The following IRF8 variants were observed in gnomAD, a reference collection of about 807,000 sequenced individuals.
The protein encoded by IRF8 is interferon regulatory factor 8.
A neutral mutation model predicts 48.7 loss-of-function variants in IRF8; 14 were observed. That is an observed-to-expected ratio of 0.29 (90% CI 0.19 to 0.45). The LOEUF is 0.45. Among genes scored for constraint, IRF8 ranks in the 20% least tolerant of loss-of-function variants. The pLI is 1.00. For missense variants in IRF8, 493 were observed against 580.7 expected (o/e 0.85, Z 1.55); for synonymous variants, 278 against 227.3 (o/e 1.22, Z -2.01).
intron 3 of IRF8, chr16:85,909,517 G>T (rs1163264128): frequency 5.8e-6 from 2 of 346,128 alleles, no homozygotes; most frequent in African/African-American, 4.2e-5. Flanking sequence ...AAAATATGGT[G>T]ACCACAGAAG....
At chr16:85,913,265 C>T (rs773354019) in intron 5 of IRF8, 29 bp downstream of exon 5, 2 of 1,494,264 alleles carry the variant, frequency 1.3e-6, no homozygotes, top group Middle Eastern at 1.7e-4. Context: ...GAATTGTCAC[C>T]AGGCATGGCC....
At chr16:85,920,026 C>T in intron 7 of IRF8, 83 bp from the exon 8 acceptor site, 1 of 1,024,122 alleles carries the variant, frequency 9.8e-7, no homozygotes, top group Non-Finnish European at 1.5e-6. Flanking sequence ...CCCTGGGCCT[C>T]CTGATCCCCC....
rs1357916141 is a variant in IRF8, at chr16:85,921,111, G to A, written c.1110G>A (p.Glu370=). 1 of 1,612,882 alleles carries A rather than the reference G, an allele frequency of 6.2e-7. No individual in the cohort carries two copies. The highest frequency in any genetic ancestry group is 1.1e-5 in the South Asian group (1 of 90,960). ...LRSKLILVQI[E]QLYVRQLAEE... Reference sequence around the variant, plus strand: ...TTTCTGCACCTCCCATCTAGATTGAGCAGCTGTATGTCCGGCAACTGGCAG... The same window carrying A: ...TTTCTGCACCTCCCATCTAGATTGAACAGCTGTATGTCCGGCAACTGGCAG... The change falls in exon 9 of 9, where the codon GAG becomes GAA. Residue 370 remains glutamate (E), a synonymous_variant. Transcript: ENST00000268638.
Position 85,921,364 on chromosome 16 carries a change from G to T in IRF8, c.*82G>T. Reference sequence around the variant, plus strand: ...GTGGCCCGCATCATGATTAAAGAATGTGGATCCCTCTGTCTGGGGTGGGAT... The same window carrying T: ...GTGGCCCGCATCATGATTAAAGAATTTGGATCCCTCTGTCTGGGGTGGGAT... On this transcript the variant is annotated 3_prime_UTR_variant, in exon 9 of 9. Transcript: ENST00000268638. The T allele has an allele frequency of 6.9e-7, 1 of 1,442,812 alleles. No individual in the cohort carries two copies. The highest frequency in any genetic ancestry group is 9.7e-7 in the Non-Finnish European group (1 of 1,034,470). The allele number at this position is 1,442,812 out of a possible 1,614,324, so 89.4% of individuals were successfully genotyped here.
At chr16:85,918,324 A>G (rs1487642774) in intron 6 of IRF8, 93 bp from the exon 7 acceptor site, 4 of 1,409,152 alleles carry the variant, frequency 2.8e-6, no homozygotes, top group Non-Finnish European at 3.8e-6. Flanking sequence ...ACAAAGAGTT[A>G]CCCGTGTAGG....
chr16:85,919,598 A>T (rs903088272), intron 7 of IRF8, among the ~76,000 whole-genome samples: 3 of 152,220 alleles, frequency 2.0e-5, no homozygotes, highest in Admixed American at 6.5e-5. Context: ...TGCGTCCTGC[A>T]ATGTACATTC....
intron 4 of IRF8, among the ~76,000 whole-genome samples, chr16:85,912,903 G>A (rs1567474102): frequency 6.6e-6 from 1 of 152,254 alleles, no homozygotes; most frequent in Non-Finnish European, 1.5e-5. Context: ...CTTATTAGTG[G>A]CCCCCAAAGA....
chr16:85,921,070 C>T (rs751725560), intron 8 of IRF8, 36 bp from the exon 9 acceptor site: 27 of 1,584,322 alleles, frequency 1.7e-5, no homozygotes, highest in Admixed American at 9.0e-5. Context: ...TTGGAGCCTC[C>T]GCCTCTGCCT....
In IRF8 at chr16:85,910,261, G is replaced by A. The variant is rs562538961; in HGVS notation, c.358+1088G>A. On this transcript the variant is annotated intron_variant, in intron 3 of 8. Transcript: ENST00000268638. ...CTGAGCCAAAGCCGATGCCCGACCC[G>A]GACAGTACAATTGCGGTTTGGGGCG... Among the ~76,000 whole-genome samples the A allele has an allele frequency of 3.2e-4, 49 of 152,252 alleles. No individual in the cohort carries two copies. In the South Asian group the frequency reaches 9.1e-3, roughly 28 times the overall value.
intron 2 of IRF8, among the ~76,000 whole-genome samples, chr16:85,906,825 A>G (rs925492931): frequency 3.3e-5 from 5 of 151,826 alleles, no homozygotes; most frequent in African/African-American, 9.7e-5. Flanking sequence ...GAGGGGTGCT[A>G]TTGGCATCTG....
At chr16:85,911,152 CA>C (rs1027642025) in intron 3 of IRF8, among the ~76,000 whole-genome samples, 5 of 152,176 alleles carry the variant, frequency 3.3e-5, no homozygotes, top group Admixed American at 1.3e-4. Context: ...ACTGGCAATA[CA>C]AAAAAGACCC....
At chr16:85,905,397 T>C (rs1904967522) in intron 2 of IRF8, among the ~76,000 whole-genome samples, 1 of 152,242 alleles carries the variant, frequency 6.6e-6, no homozygotes. Context: ...TTATACATCT[T>C]ATGCAATGTT....
Position 85,922,343 on chromosome 16 carries a change from G to C in IRF8, c.*1061G>C, listed in dbSNP as rs753224817. The C allele has an allele frequency of 1.3e-5, 2 of 152,294 alleles. No individual in the cohort carries two copies. The highest frequency in any genetic ancestry group is 1.3e-4 in the Admixed American group (2 of 15,276). The allele number at this position is 152,294 out of a possible 1,614,324, so 9.4% of individuals were successfully genotyped here. On this transcript the variant is annotated 3_prime_UTR_variant, in exon 9 of 9. Transcript: ENST00000268638. The stretch of plus-strand genomic sequence containing the variant: ...ACAGTCAGACCCAGAGGTCCTTTAC[G>C]TGTGGATGGAGTTCACAGGCGAATA...
intron 4 of IRF8, 103 bp downstream of exon 4, chr16:85,911,761 C>G (rs1349732924): frequency 4.4e-6 from 4 of 917,670 alleles, no homozygotes; most frequent in Non-Finnish European, 6.9e-6. Flanking sequence ...CAGCCAGACC[C>G]TCGGGCTCGC....
At chr16:85,902,219 G>A (rs930384806) in intron 1 of IRF8, among the ~76,000 whole-genome samples, 2 of 152,110 alleles carry the variant, frequency 1.3e-5, no homozygotes, top group African/African-American at 2.4e-5. Flanking sequence ...TCTTTCAGTT[G>A]GTCGTAGGAG....
rs11862450 is a variant in IRF8, at chr16:85,903,427, G to T, written c.174+238G>T. On this transcript the variant is annotated intron_variant, in intron 2 of 8. Transcript: ENST00000268638. Reference sequence around the variant, plus strand: ...TTGTATTCTGATGAGGAGATCGAAGGCTCTTTTCTTCTCTTTTCTGCTGCT... The same window carrying T: ...TTGTATTCTGATGAGGAGATCGAAGTCTCTTTTCTTCTCTTTTCTGCTGCT... 3.0e-5 allele frequency: 16 copies of T among 532,190 alleles called. No homozygotes were observed. In the Middle Eastern group the frequency reaches 1.5e-3, roughly 50 times the overall value. The allele number at this position is 532,190 out of a possible 1,614,324, so 33.0% of individuals were successfully genotyped here.
chr16:85,904,456 T>G lies in IRF8; in HGVS notation c.174+1267T>G, dbSNP rs180838870. Among the ~76,000 whole-genome samples, 1,036 of 152,180 alleles carry G rather than the reference T, an allele frequency of 6.8e-3. 11 individuals are homozygous for G. The highest frequency in any genetic ancestry group is 0.024 in the African/African-American group (995 of 41,524). On this transcript the variant is annotated intron_variant, in intron 2 of 8. Coordinates refer to ENST00000268638, the MANE Select transcript of IRF8 (RefSeq NM_002163.4). ...AAAAGATCACACCTTAACCCCAGAG[T>G]GGACCATAAATAGGTCAAAGGTAGC...
chr16:85,903,719 C>T (rs190345024), intron 2 of IRF8, among the ~76,000 whole-genome samples: 58 of 152,280 alleles, frequency 3.8e-4, no homozygotes, highest in Admixed American at 1.0e-3. Flanking sequence ...TGAGAGTAAT[C>T]GGTTCCCCAT....
At chr16:85,904,122 T>C (rs1321679051) in intron 2 of IRF8, among the ~76,000 whole-genome samples, 1 of 152,196 alleles carries the variant, frequency 6.6e-6, no homozygotes. Context: ...CTCTGGGAGA[T>C]TCGGAGCCCA....
Sources: allele counts gnomAD v4.1 joint callset (sites outside exome capture counted in the v4.1 genomes callset), GRCh38; gene constraint gnomAD v4.1.1; transcripts MANE v1.5; gene names NCBI Gene and HGNC (gene_info 2026-07-23, HGNC 2026-07-21).